The following ZNF786 variants were observed in gnomAD, a reference collection of about 807,000 sequenced individuals.
The protein encoded by ZNF786 is zinc finger protein 786.
ZNF786 carries 56 observed loss-of-function variants against 63.1 expected under a neutral mutation model. The observed-to-expected ratio is 0.89, with a 90% CI of 0.72 to 1.11. ZNF786 has a LOEUF of 1.11. Among genes scored for constraint, ZNF786 ranks in the 50% least tolerant of loss-of-function variants. The pLI, the probability that ZNF786 is intolerant of heterozygous loss-of-function variation, is 0.00. For synonymous variants in ZNF786, 485 were observed against 406.9 expected (o/e 1.19, Z -2.31); for missense variants, 1,213 against 1,041.8 (o/e 1.16, Z -2.26).
chr7:149,072,373 G>A lies in ZNF786; in HGVS notation c.399C>T (p.Asp133=). The A allele has an allele frequency of 6.2e-7, 1 of 1,613,500 alleles. No individual in the cohort carries two copies. The highest frequency in any genetic ancestry group is 8.5e-7 in the Non-Finnish European group (1 of 1,179,736). ...SFGSFVSFRP[D]QGITLGSPQR... ...GTGGGCTCCCGAGGGTGATGCCTTG[G>A]TCAGGCCTGAAGGAAACAAAGGATC... Residue 133 remains aspartate (D), a synonymous_variant, in exon 4 of 4, where the codon GAC becomes GAT. Coordinates refer to ENST00000491431, the MANE Select transcript of ZNF786 (RefSeq NM_152411.4).
chr7:149,071,274 G>C lies in ZNF786; in HGVS notation c.1498C>G (p.Arg500Gly). Reference protein sequence around the residue: ...FRLESMLRAHRLRHGGERPFS... With the variant: ...FRLESMLRAHGLRHGGERPFS... ...GGCCTCTCCCCACCGTGCCGGAGCC[G>C]GTGGGCTCTCAGCATGCTCTCCAGG... Residue 500 changes from arginine to glycine, a missense_variant, in exon 4 of 4, where the codon CGG (arginine) becomes GGG (glycine). Physicochemically the swap from Arg to Gly is moderately radical, Grantham distance 125. Transcript: ENST00000491431. The C allele has an allele frequency of 6.2e-7, 1 of 1,612,828 alleles. No homozygotes were observed. The highest frequency in any genetic ancestry group is 8.5e-7 in the Non-Finnish European group (1 of 1,179,474).
At chr7:149,072,597 C>T in intron 3 of ZNF786, 124 bp from the exon 4 acceptor site, 1 of 1,105,108 alleles carries the variant, frequency 9.0e-7, no homozygotes, top group Non-Finnish European at 1.3e-6. Context: ...ACTGAGCTAC[C>T]CAACCATGCA....
chr7:149,077,508 G>A (rs948348569), intron 2 of ZNF786, among the ~76,000 whole-genome samples: 1 of 152,082 alleles, frequency 6.6e-6, no homozygotes, highest in Non-Finnish European at 1.5e-5. Flanking sequence ...GGCGCCTGTA[G>A]TCCCAGCTAC....
At chr7:149,080,738 C>CAT in intron 1 of ZNF786, 21 bp from the exon 2 acceptor site, 1 of 1,581,446 alleles carries the variant, frequency 6.3e-7, no homozygotes, top group African/African-American at 1.4e-5. Context: ...AGACATAAGA[C>CAT]ATATGCATTC....
At chr7:149,088,630 G>A (rs1037960311) in intron 1 of ZNF786, among the ~76,000 whole-genome samples, 1 of 152,130 alleles carries the variant, frequency 6.6e-6, no homozygotes, top group Non-Finnish European at 1.5e-5. Context: ...AATCCAGAGA[G>A]TTACAGAGAA....
intron 1 of ZNF786, among the ~76,000 whole-genome samples, chr7:149,086,647 C>T (rs979453900): frequency 2.7e-5 from 4 of 150,842 alleles, no homozygotes; most frequent in African/African-American, 9.8e-5. Flanking sequence ...CACACACACA[C>T]ACATACACAC....
At chr7:149,082,693 G>A (rs1303734488) in intron 1 of ZNF786, among the ~76,000 whole-genome samples, 1 of 151,420 alleles carries the variant, frequency 6.6e-6, no homozygotes, top group Non-Finnish European at 1.5e-5. Context: ...CAATTCTCCT[G>A]CCTCAGCCTC....
Position 149,072,266 on chromosome 7 carries a change from C to G in ZNF786, c.506G>C (p.Arg169Thr), listed in dbSNP as rs1471448603. ...CCACAAACCAGGAAGATCCAGATTT[C>G]TGGGACCTGGGATTCCTTCTTTTAG... ...STLKEGIPGP[R>T]NLDLPGLWDV... Residue 169 changes from arginine to threonine, a missense_variant, in exon 4 of 4, where the codon AGA (arginine) becomes ACA (threonine). Coordinates refer to ENST00000491431, the MANE Select transcript of ZNF786 (RefSeq NM_152411.4). 2.5e-6 allele frequency: 4 copies of G among 1,613,504 alleles called. No homozygotes were observed. Among genetic ancestry groups the G allele is most frequent in the South Asian group, 2.2e-5 (2 of 90,950 alleles).
Position 149,072,369 on chromosome 7 carries a change from C to T in ZNF786, c.403G>A (p.Gly135Ser), listed in dbSNP as rs769991523. ...CTCTGTGGGCTCCCGAGGGTGATGC[C>T]TTGGTCAGGCCTGAAGGAAACAAAG... is the stretch of plus-strand genomic sequence containing the variant. ...GSFVSFRPDQ[G>S]ITLGSPQRHD... Residue 135 changes from glycine (G) to serine (S), a missense_variant, in exon 4 of 4, where the codon GGC (glycine) becomes AGC (serine). Transcript: ENST00000491431. 1 of 1,613,432 alleles carries T rather than the reference C, an allele frequency of 6.2e-7. No individual in the cohort carries two copies. The highest frequency in any genetic ancestry group is 8.5e-7 in the Non-Finnish European group (1 of 1,179,722).
At chr7:149,088,775 T>C (rs1210890079) in intron 1 of ZNF786, among the ~76,000 whole-genome samples, 2 of 152,206 alleles carry the variant, frequency 1.3e-5, no homozygotes, top group Admixed American at 6.5e-5. Context: ...TGTTCTGATA[T>C]TGTCACATTC....
chr7:149,071,473 G>T lies in ZNF786; in HGVS notation c.1299C>A (p.Gly433=). 1.2e-6 allele frequency: 2 copies of T among 1,613,388 alleles called. No homozygotes were observed. Among genetic ancestry groups the T allele is most frequent in the Non-Finnish European group, 8.5e-7 (1 of 1,179,846 alleles). ...CCGTGAGTTTACACTGCTTGGCGAA[G>T]CCCTTGCCACACTTCCTGCAGGAGA... is the stretch of plus-strand genomic sequence containing the variant. ...RPFSCRKCGK[G]FAKQCKLTEH... The change falls in exon 4 of 4, where the codon GGC becomes GGA. Residue 433 remains glycine (G), a synonymous_variant. Coordinates refer to ENST00000491431, the MANE Select transcript of ZNF786 (RefSeq NM_152411.4).
intron 1 of ZNF786, among the ~76,000 whole-genome samples, chr7:149,085,179 GTT>G (rs1158988160): frequency 6.6e-6 from 1 of 152,184 alleles, no homozygotes; most frequent in Non-Finnish European, 1.5e-5. Context: ...GTACCATGCT[GTT>G]TTGGTTACTG....
At chr7:149,077,777 C>T (rs3927307) in intron 2 of ZNF786, among the ~76,000 whole-genome samples, 82,947 of 151,838 alleles carry the variant, frequency 0.55, 26,045 homozygotes, top group East Asian at 0.9. Flanking sequence ...AACATGATGA[C>T]GATGATGGAT....
intron 1 of ZNF786, among the ~76,000 whole-genome samples, chr7:149,084,164 C>A (rs1825693560): frequency 1.3e-5 from 2 of 151,848 alleles, no homozygotes; most frequent in Non-Finnish European, 2.9e-5. Context: ...AGTTCTAGAC[C>A]AGCCTGGCCA....
At chr7:149,078,657 C>T (rs575111939) in intron 2 of ZNF786, among the ~76,000 whole-genome samples, 38 of 151,746 alleles carry the variant, frequency 2.5e-4, no homozygotes, top group South Asian at 1.5e-3. Flanking sequence ...GCACTCCAGC[C>T]TGGGCAACAA....
rs753760230 is a variant in ZNF786, at chr7:149,070,698, G to A, written c.2074C>T (p.Leu692Phe). The change falls in exon 4 of 4, where the codon CTC becomes TTC. Residue 692 changes from leucine (L) to phenylalanine (F), a missense_variant. Coordinates refer to ENST00000491431, the MANE Select transcript of ZNF786 (RefSeq NM_152411.4). ...DKSFRLKAQL[L>F]SHQGLHTGER... ...CCTGTGTGCAGGCCCTGATGGCTGA[G>A]CAGCTGCGCCTTCAGGCGGAAACTC... The A allele has an allele frequency of 1.2e-6, 2 of 1,613,918 alleles. No homozygotes were observed. The highest frequency in any genetic ancestry group is 1.1e-5 in the South Asian group (1 of 91,090).
intron 2 of ZNF786, among the ~76,000 whole-genome samples, chr7:149,076,159 G>C (rs972016010): frequency 3.3e-5 from 5 of 151,776 alleles, no homozygotes; most frequent in African/African-American, 1.2e-4. Flanking sequence ...TTGTTGCCCA[G>C]GCTGGAGTAC....
rs775726975 is a variant in ZNF786, at chr7:149,071,019, G to T, written c.1753C>A (p.Arg585Ser). 69 of 1,610,558 alleles carry T rather than the reference G, an allele frequency of 4.3e-5. 1 individual carries two copies. The South Asian group carries it at 7.0e-4, about 16-fold the overall frequency. The change falls in exon 4 of 4, where the codon CGC (arginine) becomes AGC (serine). Residue 585 changes from arginine to serine, a missense_variant. Physicochemically the swap from Arg to Ser is moderately radical, Grantham distance 110 (BLOSUM62 -1). Coordinates refer to ENST00000491431, the MANE Select transcript of ZNF786 (RefSeq NM_152411.4). ...TRQSKLTEHL[R>S]VHSGERPFQC... ...AAGGGTCTCTCCCCGCTGTGCACGC[G>T]CAAGTGCTCCGTGAGCTTGGATTGT... is the stretch of plus-strand genomic sequence containing the variant.
At position 149,077,689 on chromosome 7, in the gene ZNF786, C is replaced by G. The variant is rs1825580042; in HGVS notation, c.145+2902G>C. 2.6e-5 allele frequency among the ~76,000 whole-genome samples: 4 copies of G among 152,010 alleles called. No homozygotes were observed. In the South Asian group the frequency reaches 8.3e-4, roughly 32 times the overall value. Reference sequence around the variant, plus strand: ...GTTCTCCTAGCCGGCCACAGTGGCTCACGACTGTAATCCCAGAACTTGGGG... The same window carrying G: ...GTTCTCCTAGCCGGCCACAGTGGCTGACGACTGTAATCCCAGAACTTGGGG... On this transcript the variant is annotated intron_variant, in intron 2 of 3. Coordinates refer to ENST00000491431, the MANE Select transcript of ZNF786 (RefSeq NM_152411.4).
Sources: gnomAD v4.1 joint callset for allele counts (sites outside exome capture counted in the v4.1 genomes callset) on GRCh38, gnomAD v4.1.1 for gene constraint, MANE v1.5 for transcripts, NCBI Gene and HGNC (gene_info 2026-07-23, HGNC 2026-07-21) for gene names.